YTHDC2: variants seen among roughly 807,000 people sequenced by gnomAD.
YTHDC2 encodes YTH N6-methyladenosine RNA binding protein C2, also known as 3'-5' RNA helicase YTHDC2.
YTHDC2 carries 45 observed loss-of-function variants against 174.9 expected under a neutral mutation model. The ratio of observed to expected loss-of-function variants is 0.26; its 90% CI spans 0.20 to 0.33. YTHDC2 has a LOEUF of 0.33. Among genes scored for constraint, YTHDC2 ranks in the 10% least tolerant of loss-of-function variants. The pLI, the probability that YTHDC2 is intolerant of heterozygous loss-of-function variation, is 1.00. For synonymous variants in YTHDC2, 657 were observed against 574.5 expected, an observed-to-expected ratio of 1.14 and a Z score of -2.05; for missense variants, 1,650 against 1,723.7, an observed-to-expected ratio of 0.96 and a Z score of 0.76.
rs973531220 is a variant in YTHDC2, at chr5:113,555,412, A to G, written c.2134-640A>G. ...ACCGAGTGACTGAAATACATGTTCT[A>G]GTTAGGCTTGTATTTCTTTAAAATA... On this transcript the variant is annotated intron_variant, in intron 16 of 29. Coordinates refer to ENST00000161863, the MANE Select transcript of YTHDC2 (RefSeq NM_022828.5). 3.3e-5 allele frequency among the ~76,000 whole-genome samples: 5 copies of G among 152,160 alleles called. No homozygotes were observed. In the South Asian group the frequency reaches 1.0e-3, roughly 31 times the overall value.
rs556519044 is a variant in YTHDC2 at position 113,548,715 on chromosome 5, C to T, written c.1622+48C>T. 6.1e-5 allele frequency: 93 copies of T among 1,516,132 alleles called. 1 individual carries two copies. The highest frequency in any genetic ancestry group is 7.5e-5 in the Non-Finnish European group (85 of 1,137,074). 93.9% of individuals were successfully genotyped at this position (1,516,132 alleles called of 1,614,324 possible). A position where few individuals can be genotyped will look rare whatever the true frequency, so the allele number is the denominator to read the frequency against. On this transcript the variant is annotated intron_variant, in intron 11 of 29. Coordinates refer to ENST00000161863, the MANE Select transcript of YTHDC2 (RefSeq NM_022828.5). ...CTTCATATATCTTTGTATAGCTACACATATCTTTTTTTGTTTTCTTATGTT... is the reference window on the plus strand; with the variant it reads ...CTTCATATATCTTTGTATAGCTACATATATCTTTTTTTGTTTTCTTATGTT...
At chr5:113,589,144 C>G (rs1055017185) in intron 26 of YTHDC2, among the ~76,000 whole-genome samples, 2 of 151,468 alleles carry the variant, frequency 1.3e-5, no homozygotes, top group Non-Finnish European at 2.9e-5. Flanking sequence ...GTATTATTTA[C>G]TTCTGCCTGA....
At chr5:113,517,937 G>A (rs1347502529) in intron 2 of YTHDC2, among the ~76,000 whole-genome samples, 1 of 147,746 alleles carries the variant, frequency 6.8e-6, no homozygotes, top group South Asian at 2.2e-4. Flanking sequence ...CACCCAGGCT[G>A]GAGTGCAGTG....
chr5:113,514,308 T>C (rs1428714599), intron 1 of YTHDC2: 3 of 702,118 alleles, frequency 4.3e-6, no homozygotes, highest in Non-Finnish European at 7.7e-6. Flanking sequence ...TATGGGCACT[T>C]TGCTCCCTAG....
chr5:113,581,092 T>C (rs764609593), intron 24 of YTHDC2, among the ~76,000 whole-genome samples: 8 of 152,310 alleles, frequency 5.3e-5, no homozygotes, highest in Non-Finnish European at 1.0e-4. Context: ...TTGGATGTTC[T>C]ACAGGCACTA....
chr5:113,547,786 T>A (rs1307604249), intron 10 of YTHDC2, among the ~76,000 whole-genome samples: 1 of 152,222 alleles, frequency 6.6e-6, no homozygotes, highest in Non-Finnish European at 1.5e-5. Context: ...GATAATTGGG[T>A]ATACATACTG....
intron 28 of YTHDC2, chr5:113,592,439 T>A: frequency 3.5e-6 from 1 of 286,874 alleles, no homozygotes; most frequent in Non-Finnish European, 6.4e-6. Flanking sequence ...AACCTTTTTA[T>A]ATTCTAGTGG....
At position 113,563,466 on chromosome 5, in the gene YTHDC2, G is replaced by A. The variant is rs1454766815; in HGVS notation, c.2416G>A (p.Val806Ile). 1.2e-6 allele frequency: 2 copies of A among 1,609,628 alleles called. No individual in the cohort carries two copies. The highest frequency in any genetic ancestry group is 2.2e-5 in the East Asian group (1 of 44,770). Residue 806 changes from valine to isoleucine, a missense_variant, in exon 19 of 30, where the codon GTA (valine) becomes ATA (isoleucine). Physicochemically the swap from Val to Ile is conservative, Grantham distance 29 (BLOSUM62 3). Around this residue, in one of 5 missense-constraint regions of YTHDC2, gnomAD observed 913 missense variants for 940.4 expected, o/e 0.97. Coordinates refer to ENST00000161863, the MANE Select transcript of YTHDC2 (RefSeq NM_022828.5). The stretch of plus-strand genomic sequence containing the variant: ...TCCTGAACCTCCACCAGCTTTAATT[G>A]TAAGAAATGCTGTACAAATGCTTAA... ...KAPEPPPALI[V>I]RNAVQMLKTI...
chr5:113,571,964 A>T (rs1217485945), intron 23 of YTHDC2, among the ~76,000 whole-genome samples: 1 of 152,068 alleles, frequency 6.6e-6, no homozygotes, highest in Non-Finnish European at 1.5e-5. Context: ...TCCTGTCTCT[A>T]TCGCCTTCAC....
intron 2 of YTHDC2, among the ~76,000 whole-genome samples, chr5:113,522,134 GT>G (rs371407386): frequency 6.6e-5 from 7 of 106,344 alleles, no homozygotes; most frequent in African/African-American, 2.0e-4. Flanking sequence ...TGTTTTTTTT[GT>G]TTTTTGTTTT....
At chr5:113,581,847 G>A (rs1291649196) in intron 25 of YTHDC2, 138 bp downstream of exon 25, 10 of 714,562 alleles carry the variant, frequency 1.4e-5, no homozygotes, top group Middle Eastern at 4.4e-4. Context: ...TAGCAATAAA[G>A]TGGAAAGAGT....
In YTHDC2 at chr5:113,578,366, GGTTTTGTTTT is replaced by G. The variant is rs113610272; in HGVS notation, c.3245-1199_3245-1190del. Reference sequence around the variant, plus strand: ...ATGAGTCACCACACCTGGCATAGAAGGTTTTGTTTTGTTTTGTTTTGTTTTGTTTTTTTGT... The same window carrying G: ...ATGAGTCACCACACCTGGCATAGAAGGTTTTGTTTTGTTTTGTTTTTTTGT... On this transcript the variant is annotated intron_variant, in intron 23 of 29. Coordinates refer to ENST00000161863, the MANE Select transcript of YTHDC2 (RefSeq NM_022828.5). Among the ~76,000 whole-genome samples the G allele has an allele frequency of 9.1e-4, 136 of 148,824 alleles. No homozygotes were observed. In the Middle Eastern group the frequency reaches 0.02, roughly 22 times the overall value.
At chr5:113,518,045 C>G (rs571993110) in intron 2 of YTHDC2, among the ~76,000 whole-genome samples, 2 of 151,968 alleles carry the variant, frequency 1.3e-5, no homozygotes, top group African/African-American at 4.8e-5. Context: ...CCCACCACCA[C>G]GCCCGGCTAA....
At chr5:113,556,220 T>TG (rs1351965392) in intron 17 of YTHDC2, 86 bp downstream of exon 17, 2 of 655,774 alleles carry the variant, frequency 3.0e-6, no homozygotes, top group East Asian at 6.1e-5. Flanking sequence ...ATATATTCCA[T>TG]GTTCAATAAA....
intron 21 of YTHDC2, among the ~76,000 whole-genome samples, chr5:113,566,265 G>C (rs761141675): frequency 1.4e-4 from 21 of 152,096 alleles, no homozygotes; most frequent in Non-Finnish European, 4.4e-5. Context: ...TTGTGATACT[G>C]TTGGCAATGA....
At chr5:113,545,098 T>A (rs1047380610) in intron 10 of YTHDC2, among the ~76,000 whole-genome samples, 4 of 152,204 alleles carry the variant, frequency 2.6e-5, no homozygotes, top group Non-Finnish European at 4.4e-5. Context: ...AACAATTTTT[T>A]AAAAAATTCT....
At chr5:113,580,004 G>A in intron 24 of YTHDC2, 2 of 925,804 alleles carry the variant, frequency 2.2e-6, no homozygotes, top group Non-Finnish European at 2.6e-6. Flanking sequence ...TTAAGTCTGA[G>A]ATCAAGGTGC....
At chr5:113,554,152 C>A in intron 16 of YTHDC2, 130 bp downstream of exon 16, 3 of 778,466 alleles carry the variant, frequency 3.9e-6, no homozygotes, top group South Asian at 9.0e-5. Flanking sequence ...TGGACCAGCG[C>A]ATGCTTTTAT....
intron 7 of YTHDC2, among the ~76,000 whole-genome samples, chr5:113,536,114 C>T (rs1363423514): frequency 6.6e-6 from 1 of 152,190 alleles, no homozygotes; most frequent in Non-Finnish European, 1.5e-5. Flanking sequence ...AGTCTATACT[C>T]CCATGTTTTA....
Sources: gnomAD v4.1 joint callset for allele counts (sites outside exome capture counted in the v4.1 genomes callset) on GRCh38, gnomAD v4.1.1 for gene constraint, gnomAD v4.1.1 regional missense constraint, MANE v1.5 for transcripts, NCBI Gene and HGNC (gene_info 2026-07-23, HGNC 2026-07-21) for gene names.